The following L3MBTL3 variants were observed in gnomAD, a reference collection of about 807,000 sequenced individuals.
The protein encoded by L3MBTL3 is lethal(3)malignant brain tumor-like protein 3.
In L3MBTL3, 27 loss-of-function variants were observed where a neutral mutation model predicts 102.3. That is an observed-to-expected ratio of 0.26 (90% CI 0.19 to 0.36). L3MBTL3 has a LOEUF of 0.36. Among genes scored for constraint, L3MBTL3 ranks in the 10% least tolerant of loss-of-function variants. The pLI is 1.00. For missense variants in L3MBTL3, 798 were observed against 955.3 expected (o/e 0.84, Z 2.17); for synonymous variants, 340 against 320.9 (o/e 1.06, Z -0.64).
chr6:130,053,452 G>A (rs547618206), intron 7 of L3MBTL3, among the ~76,000 whole-genome samples: 9 of 152,098 alleles, frequency 5.9e-5, no homozygotes, highest in African/African-American at 1.4e-4. Flanking sequence ...TGGCTAACCC[G>A]GTGAAACCCC....
intron 18 of L3MBTL3, among the ~76,000 whole-genome samples, chr6:130,097,506 TAAAAC>T (rs1784432882): frequency 1.3e-5 from 2 of 152,218 alleles, no homozygotes; most frequent in African/African-American, 2.4e-5. Context: ...TAAGAAGTGT[TAAAAC>T]AAAACGTGTC....
chr6:130,048,967 C>CACACACACACACACACACACACACAT (rs71678245), intron 3 of L3MBTL3, among the ~76,000 whole-genome samples: 1 of 150,454 alleles, frequency 6.6e-6, no homozygotes, highest in African/African-American at 2.4e-5. Context: ...CACACACACA[C>CACACACACACACACACACACACACAT]ACATACACAC....
At chr6:130,020,172 G>C (rs1584257673) in intron 1 of L3MBTL3, among the ~76,000 whole-genome samples, 1 of 151,060 alleles carries the variant, frequency 6.6e-6, no homozygotes, top group East Asian at 2.0e-4. Flanking sequence ...TGCGGTTCCG[G>C]AATAATGGGC....
intron 2 of L3MBTL3, among the ~76,000 whole-genome samples, chr6:130,028,821 C>T (rs1210561441): frequency 6.6e-6 from 1 of 152,166 alleles, no homozygotes; most frequent in African/African-American, 2.4e-5. Context: ...ATGTGTTCTC[C>T]ACTGACACTT....
At chr6:130,049,512 T>C (rs757971853) in intron 4 of L3MBTL3, 119 bp downstream of exon 4, 6 of 742,696 alleles carry the variant, frequency 8.1e-6, no homozygotes, top group Non-Finnish European at 1.1e-5. Context: ...TGCCTCATGT[T>C]GTTAGGTAAA....
At chr6:130,030,730 G>T (rs2114554473) in intron 2 of L3MBTL3, among the ~76,000 whole-genome samples, 1 of 147,218 alleles carries the variant, frequency 6.8e-6, no homozygotes. Flanking sequence ...CAAAGCCTTT[G>T]CTGTTACATT....
At chr6:130,047,415 G>A (rs376261703) in intron 3 of L3MBTL3, among the ~76,000 whole-genome samples, 1 of 152,160 alleles carries the variant, frequency 6.6e-6, no homozygotes, top group East Asian at 1.9e-4. Flanking sequence ...AAGCTTCCAG[G>A]TGTCATAGTT....
chr6:130,055,044 C>G lies in L3MBTL3; in HGVS notation c.583-127C>G. 4 of 711,098 alleles carry G rather than the reference C, an allele frequency of 5.6e-6. No individual in the cohort carries two copies. In the South Asian group the frequency reaches 6.5e-5, roughly 12 times the overall value. The allele number at this position is 711,098 out of a possible 1,614,324, so 44.0% of individuals were successfully genotyped here. On this transcript the variant is annotated intron_variant, in intron 7 of 22. Coordinates refer to ENST00000361794, the MANE Select transcript of L3MBTL3 (RefSeq NM_032438.4). ...TTCAGATGAACTATATTCTTACTTT[C>G]CTTAAAAGTTACAAAGTAAAACTGA...
intron 10 of L3MBTL3, among the ~76,000 whole-genome samples, chr6:130,065,876 T>C (rs1782212879): frequency 6.6e-6 from 1 of 152,100 alleles, no homozygotes; most frequent in African/African-American, 2.4e-5. Context: ...ACGCTTTTCT[T>C]TCTTTCTTCC....
intron 1 of L3MBTL3, among the ~76,000 whole-genome samples, chr6:130,021,095 C>T (rs112345380): frequency 1.1e-3 from 171 of 152,148 alleles, no homozygotes; most frequent in African/African-American, 3.9e-3. Context: ...TCTATGCTGG[C>T]TATCTCGGTC....
At position 130,139,827 on chromosome 6, in the gene L3MBTL3, T is replaced by C; in HGVS notation, c.*74T>C. ...TTTATTCAAAGCACAAGGACGGTTATAACTCCTAAGTGAGAAGTCTCCAAA... is the reference window on the plus strand; with the variant it reads ...TTTATTCAAAGCACAAGGACGGTTACAACTCCTAAGTGAGAAGTCTCCAAA... On this transcript the variant is annotated 3_prime_UTR_variant, in exon 23 of 23. Coordinates refer to ENST00000361794, the MANE Select transcript of L3MBTL3 (RefSeq NM_032438.4). 1 of 1,429,588 alleles carries C rather than the reference T, an allele frequency of 7.0e-7. No individual in the cohort carries two copies. The highest frequency in any genetic ancestry group is 1.4e-5 in the African/African-American group (1 of 70,988). 88.6% of individuals were successfully genotyped at this position (1,429,588 alleles called of 1,614,324 possible). A position where few individuals can be genotyped will look rare whatever the true frequency, so the allele number is the denominator to read the frequency against.
intron 22 of L3MBTL3, chr6:130,137,491 T>G (rs1180707426): frequency 6.6e-6 from 1 of 152,224 alleles, no homozygotes; most frequent in African/African-American, 2.4e-5. Context: ...ATAAAGAGTT[T>G]GGAAGTAGCC....
At chr6:130,089,961 T>G (rs1783937785) in intron 16 of L3MBTL3, among the ~76,000 whole-genome samples, 1 of 152,190 alleles carries the variant, frequency 6.6e-6, no homozygotes, top group South Asian at 2.1e-4. Context: ...CAGCCACCTA[T>G]TCCACTGTGG....
chr6:130,116,297 G>A (rs1248518298), intron 19 of L3MBTL3, among the ~76,000 whole-genome samples: 1 of 152,132 alleles, frequency 6.6e-6, no homozygotes, highest in African/African-American at 2.4e-5. Context: ...TGACGTAAAG[G>A]ATTTATTATC....
Position 130,023,219 on chromosome 6 carries a change from GC to G in L3MBTL3, c.-16+916del, listed in dbSNP as rs577791701. Among the ~76,000 whole-genome samples, 208 of 152,178 alleles carry G rather than the reference GC, an allele frequency of 1.4e-3. 1 individual carries two copies. Among genetic ancestry groups the G allele is most frequent in the African/African-American group, 4.9e-3 (203 of 41,500 alleles). On this transcript the variant is annotated intron_variant, in intron 2 of 22. Coordinates refer to ENST00000361794, the MANE Select transcript of L3MBTL3 (RefSeq NM_032438.4). ...GAGCAGAACTAACAACCTTCATTGG[GC>G]CAGGTGTAATCTAGAAATCAAAATG...
chr6:130,080,200 G>A (rs1388165902), intron 14 of L3MBTL3, among the ~76,000 whole-genome samples: 1 of 151,364 alleles, frequency 6.6e-6, no homozygotes, highest in Non-Finnish European at 1.5e-5. Context: ...GCTGCAGTCA[G>A]CCAGCTATGA....
At chr6:130,062,928 T>A (rs757898430) in intron 10 of L3MBTL3, among the ~76,000 whole-genome samples, 25 of 151,820 alleles carry the variant, frequency 1.6e-4, no homozygotes, top group Non-Finnish European at 2.8e-4. Flanking sequence ...TGCTTATTGC[T>A]CCTTTTCATA....
At chr6:130,042,662 T>C in intron 2 of L3MBTL3, 23 bp from the exon 3 acceptor site, 1 of 1,312,888 alleles carries the variant, frequency 7.6e-7, no homozygotes. Context: ...TATTTAGTGA[T>C]ATGCCTTCTT....
At chr6:130,031,983 C>G (rs1198029494) in intron 2 of L3MBTL3, among the ~76,000 whole-genome samples, 25 of 152,004 alleles carry the variant, frequency 1.6e-4, no homozygotes, top group Admixed American at 1.6e-3. Flanking sequence ...GTGATCATAG[C>G]TCACTGAAGC....
Sources: gnomAD v4.1 joint callset for allele counts (sites outside exome capture counted in the v4.1 genomes callset) on GRCh38, gnomAD v4.1.1 for gene constraint, MANE v1.5 for transcripts, NCBI Gene and HGNC (gene_info 2026-07-23, HGNC 2026-07-21) for gene names.